Variants in ZNF746 observed in about 807,000 individuals in gnomAD.
ZNF746 encodes parkin-interacting substrate.
A neutral mutation model predicts 41.0 loss-of-function variants in ZNF746; 13 were observed. The observed-to-expected ratio is 0.32, with a 90% CI of 0.21 to 0.50. The LOEUF is 0.50. Among genes scored for constraint, ZNF746 ranks in the 20% least tolerant of loss-of-function variants. The probability of loss-of-function intolerance (pLI) is 0.98; values close to 1 mark genes in which losing one functional copy is unlikely to be tolerated. For missense variants in ZNF746, 811 were observed against 922.9 expected (o/e 0.88, Z 1.57); for synonymous variants, 424 against 396.2 (o/e 1.07, Z -0.83).
Position 149,494,001 on chromosome 7 carries a change from G to T in ZNF746, c.439C>A (p.Leu147Met). The change falls in exon 3 of 7, where the codon CTG (leucine) becomes ATG (methionine). Residue 147 changes from leucine (L) to methionine (M), a missense_variant. This residue lies in a region of ZNF746 where 147 missense variants were observed against 233.4 expected (regional missense o/e 0.63). Transcript: ENST00000458143. This position sits in a 1 kb window ranked among gnomAD's most constrained non-coding sequence, Gnocchi z 5.6. Reference sequence around the variant, plus strand: ...TGTCAGGCCTTACCCAGGGAGACCAGCGTCTCGTAGTTGCCCCTCATCACG... The same window carrying T: ...TGTCAGGCCTTACCCAGGGAGACCATCGTCTCGTAGTTGCCCCTCATCACG... ...KHVMRGNYET[L>M]VSLDYAISKP... The T allele has an allele frequency of 6.2e-7, 1 of 1,614,224 alleles. No homozygotes were observed. Among genetic ancestry groups the T allele is most frequent in the Non-Finnish European group, 8.5e-7 (1 of 1,180,034 alleles).
At position 149,474,902 on chromosome 7, in the gene ZNF746, G is replaced by A. The variant is rs1279253391; in HGVS notation, c.1465C>T (p.Arg489Cys). Reference sequence around the variant, plus strand: ...GACCCGTCGGGCGCCCCACAGCTGCGCTGGTGCGCGCTCAGGCTGACTTGC... The same window carrying A: ...GACCCGTCGGGCGCCCCACAGCTGCACTGGTGCGCGCTCAGGCTGACTTGC... ...QLQVSLSAHQ[R>C]SCGAPDGSGP... Residue 489 changes from arginine to cysteine, a missense_variant, in exon 7 of 7, where the codon CGC (arginine) becomes TGC (cysteine). Transcript: ENST00000458143. This position sits in a 1 kb window ranked among gnomAD's most constrained non-coding sequence, Gnocchi z 6.3. 2.6e-6 allele frequency: 4 copies of A among 1,536,044 alleles called. No homozygotes were observed. The highest frequency in any genetic ancestry group is 4.9e-5 in the East Asian group (2 of 40,758).
chr7:149,476,898 C>T (rs760430530), intron 6 of ZNF746, 24 bp downstream of exon 6: 2 of 1,613,770 alleles, frequency 1.2e-6, no homozygotes, highest in Admixed American at 3.3e-5. Flanking sequence ...ATGGCCCTTC[C>T]CTTCCTCCTC....
chr7:149,476,796 T>A (rs981016799), intron 6 of ZNF746, 126 bp downstream of exon 6: 1 of 1,295,520 alleles, frequency 7.7e-7, no homozygotes, highest in Non-Finnish European at 1.1e-6. Flanking sequence ...GTCATAAGAG[T>A]GCAGACACCC....
At chr7:149,492,000 C>T (rs1800824358) in intron 4 of ZNF746, 2 of 702,870 alleles carry the variant, frequency 2.8e-6, no homozygotes, top group African/African-American at 1.7e-5. Flanking sequence ...CTAATAATAC[C>T]AAACCATAAG....
chr7:149,474,807 T>C lies in ZNF746; in HGVS notation c.1560A>G (p.Ala520=). 1.3e-6 allele frequency: 2 copies of C among 1,501,254 alleles called. No individual in the cohort carries two copies. Among genetic ancestry groups the C allele is most frequent in the Non-Finnish European group, 1.8e-6 (2 of 1,128,958 alleles). 93.0% of individuals were successfully genotyped at this position (1,501,254 alleles called of 1,614,324 possible). ...CACACCGAAGGGCGCTGCCATCCCG[T>C]GCGCTGCCCCCACCGCTGCCGCCAC... The part of the protein sequence containing the change: ...GGGGGSGGGS[A]RDGSALRCGE... Residue 520 remains alanine, a synonymous_variant, in exon 7 of 7, where the codon GCA becomes GCG. Coordinates refer to ENST00000458143, the MANE Select transcript of ZNF746 (RefSeq NM_001394198.1). This position sits in a 1 kb window ranked among gnomAD's most constrained non-coding sequence, Gnocchi z 6.3.
In ZNF746 at chr7:149,497,762, C is replaced by G. The variant is rs1329396716; in HGVS notation, c.-226G>C. Reference sequence around the variant, plus strand: ...GCATCCTGGGAGCCGGCGCCGCGGCCCGGCAGACGAAGGCCCGTGAGGCTT... The same window carrying G: ...GCATCCTGGGAGCCGGCGCCGCGGCGCGGCAGACGAAGGCCCGTGAGGCTT... On this transcript the variant is annotated 5_prime_UTR_variant, in exon 1 of 7. Coordinates refer to ENST00000458143, the MANE Select transcript of ZNF746 (RefSeq NM_001394198.1). The surrounding 1 kb of genome is among the most constrained non-coding windows in gnomAD (Gnocchi z 4.2). 2 of 169,326 alleles carry G rather than the reference C, an allele frequency of 1.2e-5. No individual in the cohort carries two copies. The highest frequency in any genetic ancestry group is 4.8e-5 in the African/African-American group (2 of 41,446). 10.5% of individuals were successfully genotyped at this position (169,326 alleles called of 1,614,324 possible). A position where few individuals can be genotyped will look rare whatever the true frequency, so the allele number is the denominator to read the frequency against.
chr7:149,481,028 C>G (rs890423297), intron 4 of ZNF746, among the ~76,000 whole-genome samples: 1 of 152,136 alleles, frequency 6.6e-6, no homozygotes, highest in Non-Finnish European at 1.5e-5. Context: ...AAATCCACAT[C>G]TAGACACATT....
intron 4 of ZNF746, among the ~76,000 whole-genome samples, chr7:149,480,014 T>C (rs1305168425): frequency 1.3e-5 from 2 of 152,192 alleles, no homozygotes; most frequent in Non-Finnish European, 2.9e-5. Context: ...TCCCCTGTGG[T>C]CCCAGCTACT....
At chr7:149,492,664 G>C (rs1213532722) in intron 4 of ZNF746, among the ~76,000 whole-genome samples, 195 bp downstream of exon 4, 1 of 152,162 alleles carries the variant, frequency 6.6e-6, no homozygotes, top group Non-Finnish European at 1.5e-5. Context: ...TTCCCTGACA[G>C]AAAGTGTTCA....
At position 149,476,175 on chromosome 7, in the gene ZNF746, G is replaced by C. The variant is rs544098348; in HGVS notation, c.884-692C>G. ...TAAAAATACGAAAAATTAGCTGGGCGTGGTGGCGGGCACCTGTAGTCCCAG... is the reference window on the plus strand; with the variant it reads ...TAAAAATACGAAAAATTAGCTGGGCCTGGTGGCGGGCACCTGTAGTCCCAG... On this transcript the variant is annotated intron_variant, in intron 6 of 6. Transcript: ENST00000458143. 2.8e-4 allele frequency among the ~76,000 whole-genome samples: 42 copies of C among 152,020 alleles called. 1 individual carries two copies. The South Asian group carries it at 8.7e-3, about 32-fold the overall frequency.
At chr7:149,486,280 G>A (rs753956547) in intron 4 of ZNF746, among the ~76,000 whole-genome samples, 9 of 152,040 alleles carry the variant, frequency 5.9e-5, no homozygotes, top group Non-Finnish European at 1.0e-4. Flanking sequence ...GGGAATACCA[G>A]TTGGTATCCC....
At chr7:149,486,514 GGTGAAAATC>G in intron 4 of ZNF746, among the ~76,000 whole-genome samples, 1 of 152,178 alleles carries the variant, frequency 6.6e-6, no homozygotes, top group African/African-American at 2.4e-5. Context: ...ACTGTAAAGT[GGTGAAAATC>G]ATGAAAATGA....
In ZNF746 at chr7:149,487,238, C is replaced by T. The variant is rs74886656; in HGVS notation, c.565+5621G>A. 2.4e-4 allele frequency among the ~76,000 whole-genome samples: 36 copies of T among 152,188 alleles called. No homozygotes were observed. The East Asian group carries it at 6.9e-3, about 29-fold the overall frequency. On this transcript the variant is annotated intron_variant, in intron 4 of 6. Coordinates refer to ENST00000458143, the MANE Select transcript of ZNF746 (RefSeq NM_001394198.1). ...TCTTCCATGAAACTGGTCCCTGGTG[C>T]CAAAAAGGTTCCGGACTGCTATTTT...
Position 149,477,051 on chromosome 7 carries a change from C to A in ZNF746, c.758-4G>T, listed in dbSNP as rs201799911. On this transcript the variant is annotated splice_region_variant and splice_polypyrimidine_tract_variant and intron_variant, in intron 5 of 6. Coordinates refer to ENST00000458143, the MANE Select transcript of ZNF746 (RefSeq NM_001394198.1). ...GTGGAAAAGTTGGAATGGACACCTG[C>A]GGTAAGGGGAGAGCAGAGCCGGTGG... 5.6e-6 allele frequency: 9 copies of A among 1,610,952 alleles called. No homozygotes were observed. The Admixed American group carries it at 1.3e-4, about 24-fold the overall frequency.
chr7:149,476,571 G>T (rs1331963878), intron 6 of ZNF746, among the ~76,000 whole-genome samples: 1 of 152,202 alleles, frequency 6.6e-6, no homozygotes, highest in African/African-American at 2.4e-5. Context: ...CAATATCTAA[G>T]AAGTGGTTTC....
chr7:149,474,494 C>G lies in ZNF746; in HGVS notation c.1873G>C (p.Asp625His). 6.2e-7 allele frequency: 1 copy of G among 1,610,442 alleles called. No individual in the cohort carries two copies. The highest frequency in any genetic ancestry group is 8.5e-7 in the Non-Finnish European group (1 of 1,178,350). ...TTGGAGGCGGGGCTCTTGAAGGGAT[C>G]AGGAGGTGCGGGCGGCGTCGGGAGT... ...QPLPTPPAPP[D>H]PFKSPASKGP... is the part of the protein sequence containing the mutation. The change falls in exon 7 of 7, where the codon GAT becomes CAT. Residue 625 changes from aspartate to histidine, a missense_variant. By Grantham distance (81) the Asp-to-His change is moderately conservative. This residue lies in a region of ZNF746 where 99 missense variants were observed against 80.3 expected (regional missense o/e 1.23). Coordinates refer to ENST00000458143, the MANE Select transcript of ZNF746 (RefSeq NM_001394198.1). The surrounding 1 kb of genome is among the most constrained non-coding windows in gnomAD (Gnocchi z 6.3).
In ZNF746 at chr7:149,497,488, C is replaced by T; in HGVS notation, c.24+25G>A. On this transcript the variant is annotated intron_variant, in intron 1 of 6. Coordinates refer to ENST00000458143, the MANE Select transcript of ZNF746 (RefSeq NM_001394198.1). This position sits in a 1 kb window ranked among gnomAD's most constrained non-coding sequence, Gnocchi z 4.2. ...CGCCTGGGGCCCCCAGGCCGCGAGT[C>T]CCTGCGCGCGCGGGTCGCCCTTACC... is the stretch of plus-strand genomic sequence containing the variant. The T allele has an allele frequency of 1.8e-6, 2 of 1,093,876 alleles. No individual in the cohort carries two copies. The highest frequency in any genetic ancestry group is 2.2e-6 in the Non-Finnish European group (2 of 904,266). The allele number at this position is 1,093,876 out of a possible 1,614,324, so 67.8% of individuals were successfully genotyped here.
intron 1 of ZNF746, among the ~76,000 whole-genome samples, chr7:149,495,846 G>A (rs1385156830): frequency 1.3e-5 from 2 of 152,154 alleles, no homozygotes; most frequent in Non-Finnish European, 2.9e-5. Flanking sequence ...GGACTCTAAG[G>A]GGTCTTCAAG....
At chr7:149,481,449 T>C (rs1348103200) in intron 4 of ZNF746, among the ~76,000 whole-genome samples, 1 of 152,232 alleles carries the variant, frequency 6.6e-6, no homozygotes, top group South Asian at 2.1e-4. Context: ...CAGAGAATAA[T>C]GACAAGAAAA....
Sources: allele counts gnomAD v4.1 joint callset (sites outside exome capture counted in the v4.1 genomes callset), GRCh38; gene constraint gnomAD v4.1.1; regional missense constraint gnomAD v4.1.1; non-coding constraint Gnocchi (gnomAD v3.1); transcripts MANE v1.5; gene names NCBI Gene and HGNC (gene_info 2026-07-23, HGNC 2026-07-21).